ZC3H12B: variants seen among roughly 807,000 people sequenced by gnomAD.
ZC3H12B encodes the protein probable ribonuclease ZC3H12B.
A neutral mutation model predicts 43.9 loss-of-function variants in ZC3H12B; 7 were observed. That is an observed-to-expected ratio of 0.16 (90% CI 0.09 to 0.30). The LOEUF (loss-of-function observed/expected upper bound fraction) is 0.30, where lower values mean the gene tolerates loss of function less well. ZC3H12B is among the 10% of genes least tolerant of loss of function. The pLI, the probability that ZC3H12B is intolerant of heterozygous loss-of-function variation, is 1.00. For synonymous variants in ZC3H12B, 222 were observed against 241.7 expected (o/e 0.92, Z 0.76); for missense variants, 475 against 670.2 (o/e 0.71, Z 3.22).
chrX:65,055,924 A>G, the ZC3H12B span, among the ~76,000 whole-genome samples: 7 of 111,752 alleles, frequency 6.3e-5, no homozygotes, highest in African/African-American at 9.7e-5. Flanking sequence ...CTGTGGGATC[A>G]GTGGTGATAT....
intron 2 of ZC3H12B, among the ~76,000 whole-genome samples, chrX:65,373,512 C>T (rs781596710): frequency 1.0e-3 from 111 of 110,583 alleles, no homozygotes; most frequent in African/African-American, 3.5e-3. Flanking sequence ...CAGTGATAGA[C>T]TGGATTAAGA....
At chrX:65,389,956 A>G (rs1000942665) in intron 2 of ZC3H12B, among the ~76,000 whole-genome samples, 2 of 112,116 alleles carry the variant, frequency 1.8e-5, no homozygotes, top group Non-Finnish European at 3.8e-5. Flanking sequence ...ACACATGCAC[A>G]CGTATGTTTA....
the ZC3H12B span, among the ~76,000 whole-genome samples, chrX:65,177,674 A>G: frequency 8.9e-6 from 1 of 111,931 alleles, no homozygotes; most frequent in African/African-American, 3.3e-5. Flanking sequence ...GCCAATCACA[A>G]TTGTGACAAA....
the ZC3H12B span, among the ~76,000 whole-genome samples, chrX:65,179,598 A>G: frequency 1.8e-5 from 2 of 110,770 alleles, no homozygotes; most frequent in Non-Finnish European, 3.8e-5. Flanking sequence ...ACCACCAGCC[A>G]GACTAATAAA....
At chrX:65,459,895 T>A (rs1264905788) in intron 3 of ZC3H12B, among the ~76,000 whole-genome samples, 12 of 111,390 alleles carry the variant, frequency 1.1e-4, no homozygotes, top group Admixed American at 1.9e-4. Context: ...GGGTATTCAA[T>A]TAGGAAAAGA....
At chrX:65,180,285 C>T in the ZC3H12B span, among the ~76,000 whole-genome samples, 2 of 111,620 alleles carry the variant, frequency 1.8e-5, no homozygotes, top group African/African-American at 6.5e-5. Flanking sequence ...GTAGAAAAAG[C>T]GTTTGATAAA....
the ZC3H12B span, among the ~76,000 whole-genome samples, chrX:65,299,196 T>C: frequency 8.9e-6 from 1 of 112,128 alleles, no homozygotes; most frequent in Non-Finnish European, 1.9e-5. Flanking sequence ...GACTAGTGAA[T>C]TTTCCCAAAT....
the ZC3H12B span, among the ~76,000 whole-genome samples, chrX:65,288,807 C>T: frequency 1.8e-5 from 2 of 111,433 alleles, no homozygotes; most frequent in Admixed American, 1.9e-4. Flanking sequence ...GTCAAATTGT[C>T]TCTCTTGGCT....
At chrX:65,203,098 G>T in the ZC3H12B span, among the ~76,000 whole-genome samples, 1 of 111,291 alleles carries the variant, frequency 9.0e-6, no homozygotes, top group Non-Finnish European at 1.9e-5. Flanking sequence ...GTCAGCTTTT[G>T]TTGAAAGCTG....
At chrX:65,319,074 C>G in the ZC3H12B span, among the ~76,000 whole-genome samples, 3 of 110,957 alleles carry the variant, frequency 2.7e-5, no homozygotes, top group Non-Finnish European at 3.8e-5. Flanking sequence ...AAGAAATAAC[C>G]AAAATCAGAG....
the ZC3H12B span, among the ~76,000 whole-genome samples, chrX:65,187,934 A>G: frequency 1.6e-3 from 179 of 111,184 alleles, no homozygotes; most frequent in African/African-American, 5.5e-3. Context: ...TGCATTAATC[A>G]TCCCTAACCT....
chrX:65,091,790 G>A, the ZC3H12B span, among the ~76,000 whole-genome samples: 1 of 112,125 alleles, frequency 8.9e-6, no homozygotes, highest in African/African-American at 3.2e-5. Context: ...GCATACAAGG[G>A]TTATATGGGA....
the ZC3H12B span, among the ~76,000 whole-genome samples, chrX:65,167,404 C>A: frequency 9.0e-6 from 1 of 111,391 alleles, no homozygotes; most frequent in African/African-American, 3.3e-5. Context: ...TGGTCTATAT[C>A]TCTGTTTTGG....
At chrX:65,163,953 A>T in the ZC3H12B span, among the ~76,000 whole-genome samples, 1 of 111,572 alleles carries the variant, frequency 9.0e-6, no homozygotes, top group Non-Finnish European at 1.9e-5. Flanking sequence ...GTAAGCAAAT[A>T]TTTTATTTTA....
At chrX:65,058,390 G>A in the ZC3H12B span, among the ~76,000 whole-genome samples, 15 of 112,162 alleles carry the variant, frequency 1.3e-4, no homozygotes, top group African/African-American at 4.2e-4. Flanking sequence ...ATAAAACAGC[G>A]AATATTGCTG....
the ZC3H12B span, among the ~76,000 whole-genome samples, chrX:65,307,670 T>C: frequency 9.0e-6 from 1 of 111,687 alleles, no homozygotes; most frequent in Non-Finnish European, 1.9e-5. Flanking sequence ...GTCTAATATA[T>C]ATGTGTAGTC....
the ZC3H12B span, among the ~76,000 whole-genome samples, chrX:65,359,433 G>A: frequency 8.9e-6 from 1 of 111,947 alleles, no homozygotes; most frequent in Non-Finnish European, 1.9e-5. Flanking sequence ...CACCATTCTC[G>A]CCATTAAGAA....
At chrX:65,316,176 A>G in the ZC3H12B span, among the ~76,000 whole-genome samples, 1 of 112,220 alleles carries the variant, frequency 8.9e-6, no homozygotes, top group Non-Finnish European at 1.9e-5. Flanking sequence ...AGATGGGATT[A>G]TGTAAACAGA....
intron 3 of ZC3H12B, among the ~76,000 whole-genome samples, chrX:65,449,253 C>T (rs181496396): frequency 9.0e-6 from 1 of 110,649 alleles, no homozygotes; most frequent in Non-Finnish European, 1.9e-5. Flanking sequence ...CCATGGCACA[C>T]GTTTATCTAT....
Sources: gnomAD v4.1 joint callset for allele counts (sites outside exome capture counted in the v4.1 genomes callset) on GRCh38, gnomAD v4.1.1 for gene constraint, MANE v1.5 for transcripts, NCBI Gene and HGNC (gene_info 2026-07-23, HGNC 2026-07-21) for gene names.